Variants in FARSB observed in about 807,000 individuals in gnomAD.
FARSB encodes the protein phenylalanyl-tRNA synthetase subunit beta, also known as phenylalanine--tRNA ligase beta subunit.
Under a neutral mutation model 69.6 loss-of-function variants are expected in FARSB, and 40 were observed. That is an observed-to-expected ratio of 0.57 (90% CI 0.45 to 0.75). FARSB has a LOEUF of 0.75. Among genes scored for constraint, FARSB ranks in the 30% least tolerant of loss-of-function variants. The probability of loss-of-function intolerance (pLI) is 0.00; values close to 1 mark genes in which losing one functional copy is unlikely to be tolerated. For synonymous variants in FARSB, 235 were observed against 247.2 expected, an observed-to-expected ratio of 0.95 and a Z score of 0.46; for missense variants, 632 against 722.9, an observed-to-expected ratio of 0.87 and a Z score of 1.44.
In FARSB at chr2:222,634,469, C is replaced by A; in HGVS notation, c.528G>T (p.Lys176Asn). 1.2e-6 allele frequency: 2 copies of A among 1,612,712 alleles called. No homozygotes were observed. The highest frequency in any genetic ancestry group is 1.7e-6 in the Non-Finnish European group (2 of 1,178,952). ...TLSGPFTYTA[K>N]RPSDIKFKPL... ...GCTTGAATTTGATATCTGAAGGACG[C>A]TTTGCAGTATAAGTAAATGGGCCCG... Residue 176 changes from lysine to asparagine, a missense_variant, in exon 6 of 17, where the codon AAG becomes AAT. Transcript: ENST00000281828.
At chr2:222,632,951 A>G (rs991539519) in intron 7 of FARSB, among the ~76,000 whole-genome samples, 1 of 152,254 alleles carries the variant, frequency 6.6e-6, no homozygotes, top group African/African-American at 2.4e-5. Context: ...TTGAAGAAAC[A>G]TAATAGAACC....
chr2:222,655,186 G>A (rs868265032), intron 1 of FARSB, among the ~76,000 whole-genome samples: 1 of 151,554 alleles, frequency 6.6e-6, no homozygotes, highest in Non-Finnish European at 1.5e-5. Flanking sequence ...TGCAGACTCC[G>A]TCTCAAAAAA....
chr2:222,602,289 A>G (rs887297785), intron 15 of FARSB, among the ~76,000 whole-genome samples: 7 of 152,338 alleles, frequency 4.6e-5, no homozygotes, highest in Middle Eastern at 3.4e-3. Context: ...TTGATCTTGT[A>G]GTGATAATTA....
intron 16 of FARSB, among the ~76,000 whole-genome samples, chr2:222,598,473 G>C (rs946866389): frequency 3.3e-5 from 5 of 152,168 alleles, no homozygotes; most frequent in Admixed American, 6.5e-5. Flanking sequence ...AACCTTTCAA[G>C]TATGAAAGAA....
At chr2:222,632,824 CAAA>C (rs1451913600) in intron 7 of FARSB, among the ~76,000 whole-genome samples, 12 of 124,958 alleles carry the variant, frequency 9.6e-5, no homozygotes, top group Non-Finnish European at 1.6e-4. Flanking sequence ...AAAAACAAAA[CAAA>C]AAACAACAAC....
At chr2:222,647,694 G>A (rs953533304) in intron 2 of FARSB, among the ~76,000 whole-genome samples, 1 of 152,232 alleles carries the variant, frequency 6.6e-6, no homozygotes, top group African/African-American at 2.4e-5. Context: ...GAACCCAAGA[G>A]GAGGAGGTTG....
In FARSB at chr2:222,650,578, T is replaced by C. The variant is rs151151584; in HGVS notation, c.59-1783A>G. 1.4e-3 allele frequency among the ~76,000 whole-genome samples: 220 copies of C among 152,294 alleles called. 1 individual carries two copies. The highest frequency in any genetic ancestry group is 0.013 in the Admixed American group (193 of 15,308). ...GAGTCTAAGATGACTCCCCGATCTC[T>C]GGTTTGGGGGAAAAAATGGGTGGGG... On this transcript the variant is annotated intron_variant, in intron 1 of 16. Transcript: ENST00000281828.
chr2:222,573,843 C>T (rs964644561), intron 16 of FARSB, among the ~76,000 whole-genome samples: 19 of 152,144 alleles, frequency 1.2e-4, no homozygotes, highest in Non-Finnish European at 2.1e-4. Context: ...TCAACGGGTA[C>T]GTGTTCAAGT....
At chr2:222,576,446 C>T (rs1689839760) in intron 16 of FARSB, among the ~76,000 whole-genome samples, 2 of 152,096 alleles carry the variant, frequency 1.3e-5, no homozygotes, top group South Asian at 4.2e-4. Context: ...TAGCAAACAA[C>T]AGAAACTATC....
intron 16 of FARSB, among the ~76,000 whole-genome samples, chr2:222,584,001 C>G (rs899689267): frequency 6.6e-6 from 1 of 152,140 alleles, no homozygotes; most frequent in Non-Finnish European, 1.5e-5. Context: ...TTCTTCATAG[C>G]AGCATGAGAA....
intron 15 of FARSB, among the ~76,000 whole-genome samples, chr2:222,605,031 A>C (rs1466205825): frequency 1.3e-5 from 2 of 152,216 alleles, no homozygotes; most frequent in Non-Finnish European, 2.9e-5. Flanking sequence ...TTCCATTTTT[A>C]AAGATAAAGA....
chr2:222,573,934 G>T (rs955739955), intron 16 of FARSB, among the ~76,000 whole-genome samples: 1 of 152,168 alleles, frequency 6.6e-6, no homozygotes, highest in Non-Finnish European at 1.5e-5. Context: ...CAATGTTCAG[G>T]ATCTTCCCTG....
intron 16 of FARSB, among the ~76,000 whole-genome samples, chr2:222,595,269 G>A (rs1385566586): frequency 1.3e-5 from 2 of 152,162 alleles, no homozygotes; most frequent in Non-Finnish European, 2.9e-5. Flanking sequence ...ACTTCAACAA[G>A]TTGTTCAATA....
intron 8 of FARSB, among the ~76,000 whole-genome samples, chr2:222,631,319 T>C (rs184580352): frequency 6.6e-6 from 1 of 152,302 alleles, no homozygotes; most frequent in Non-Finnish European, 1.5e-5. Context: ...GTTACGTATA[T>C]GACTAACTCT....
At chr2:222,647,645 A>T (rs1441612358) in intron 2 of FARSB, among the ~76,000 whole-genome samples, 1 of 152,196 alleles carries the variant, frequency 6.6e-6, no homozygotes, top group Non-Finnish European at 1.5e-5. Context: ...CCTTCCTGTA[A>T]TCCCAGCTAC....
In FARSB at chr2:222,567,731, A is replaced by G. The variant is rs1278364281; in HGVS notation, c.*4140T>C. 1 of 152,238 alleles carries G rather than the reference A, an allele frequency of 6.6e-6. No individual in the cohort carries two copies. The highest frequency in any genetic ancestry group is 2.4e-5 in the African/African-American group (1 of 41,472). 9.4% of individuals were successfully genotyped at this position (152,238 alleles called of 1,614,324 possible). A position where few individuals can be genotyped will look rare whatever the true frequency, so the allele number is the denominator to read the frequency against. On this transcript the variant is annotated 3_prime_UTR_variant, in exon 17 of 17. Transcript: ENST00000281828. ...ATCAAAGAAATATCTAATGAACTCT[A>G]TGCATCTCTGAATGTGTCTGTCAAA...
intron 10 of FARSB, among the ~76,000 whole-genome samples, chr2:222,627,333 T>G (rs978234482): frequency 6.6e-6 from 1 of 152,202 alleles, no homozygotes; most frequent in Non-Finnish European, 1.5e-5. Flanking sequence ...CTAGGAACCC[T>G]GCAACCAACC....
chr2:222,580,297 A>C lies in FARSB; in HGVS notation c.1619-8275T>G, dbSNP rs150732556. ...GTATTTAATCCTGAAGTTGTTTCCT[A>C]TTATTCATTAGTATAAATAAGGCTT... On this transcript the variant is annotated intron_variant, in intron 16 of 16. Coordinates refer to ENST00000281828, the MANE Select transcript of FARSB (RefSeq NM_005687.5). Among the ~76,000 whole-genome samples, 1,184 of 152,148 alleles carry C rather than the reference A, an allele frequency of 7.8e-3. 9 individuals are homozygous for C. The highest frequency in any genetic ancestry group is 0.013 in the Non-Finnish European group (894 of 67,998).
intron 16 of FARSB, among the ~76,000 whole-genome samples, chr2:222,578,841 G>A (rs901512533): frequency 6.9e-6 from 1 of 145,894 alleles, no homozygotes; most frequent in Admixed American, 7.1e-5. Context: ...AATTAGCCAG[G>A]CGTGACGGTG....
Sources: allele counts gnomAD v4.1 joint callset (sites outside exome capture counted in the v4.1 genomes callset), GRCh38; gene constraint gnomAD v4.1.1; transcripts MANE v1.5; gene names NCBI Gene and HGNC (gene_info 2026-07-23, HGNC 2026-07-21).